The following COL22A1 variants were observed in gnomAD, a reference collection of about 807,000 sequenced individuals.
COL22A1 encodes collagen type XXII alpha 1 chain.
A neutral mutation model predicts 248.9 loss-of-function variants in COL22A1; 221 were observed. The observed-to-expected ratio is 0.89, with a 90% CI of 0.80 to 0.99. COL22A1 has a LOEUF of 0.99. COL22A1 is among the 50% of genes least tolerant of loss of function. COL22A1 has a pLI of 0.00. For synonymous variants in COL22A1, 891 were observed against 793.4 expected, an observed-to-expected ratio of 1.12 and a Z score of -2.07; for missense variants, 2,240 against 2,179.0, an observed-to-expected ratio of 1.03 and a Z score of -0.56.
At chr8:138,618,083 T>C (rs557613990) in intron 53 of COL22A1, among the ~76,000 whole-genome samples, 1 of 152,174 alleles carries the variant, frequency 6.6e-6, no homozygotes, top group Admixed American at 6.5e-5. Context: ...AGAGAGTGCC[T>C]GTCAGGCACT....
intron 39 of COL22A1, 33 bp from the exon 40 acceptor site, chr8:138,679,709 C>A (rs748048977): frequency 1.9e-6 from 3 of 1,597,804 alleles, no homozygotes; most frequent in East Asian, 2.2e-5. Flanking sequence ...CATTTCTTCA[C>A]CAAACAAATG....
At chr8:138,664,232 CACACACACACACACACACACACACAG>C (rs1824290155) in intron 41 of COL22A1, among the ~76,000 whole-genome samples, 1 of 150,138 alleles carries the variant, frequency 6.7e-6, no homozygotes, top group African/African-American at 2.5e-5. Context: ...CACACACACA[CACACACACACACACACACACACACAG>C]ATACAGACAC....
intron 3 of COL22A1, among the ~76,000 whole-genome samples, chr8:138,854,156 C>T (rs750143214): frequency 1.3e-5 from 2 of 152,126 alleles, no homozygotes; most frequent in African/African-American, 2.4e-5. Flanking sequence ...AATATGCCAT[C>T]GTGACTGTGG....
intron 2 of COL22A1, among the ~76,000 whole-genome samples, chr8:138,880,047 G>A (rs1824073635): frequency 2.0e-5 from 3 of 152,046 alleles, no homozygotes; most frequent in South Asian, 4.1e-4. Context: ...CAAACTTAGT[G>A]ATTTATCCCA....
chr8:138,772,030 A>C (rs1834409312), intron 16 of COL22A1, among the ~76,000 whole-genome samples: 2 of 152,210 alleles, frequency 1.3e-5, no homozygotes, highest in South Asian at 4.1e-4. Context: ...GAGGTGGTCC[A>C]GGCAGCTTCC....
chr8:138,908,834 C>T (rs1052793968), intron 1 of COL22A1, among the ~76,000 whole-genome samples: 2 of 152,122 alleles, frequency 1.3e-5, no homozygotes. Flanking sequence ...TAAGATCAGA[C>T]AGATGGCAGT....
intron 45 of COL22A1, among the ~76,000 whole-genome samples, chr8:138,653,335 T>G (rs536352507): frequency 1.3e-5 from 2 of 152,286 alleles, no homozygotes; most frequent in South Asian, 4.1e-4. Context: ...CTTCATCAGA[T>G]AGCTGTCAGG....
intron 62 of COL22A1, among the ~76,000 whole-genome samples, chr8:138,596,592 T>A (rs1366290010): frequency 6.6e-6 from 1 of 152,244 alleles, no homozygotes; most frequent in East Asian, 1.9e-4. Context: ...CTAAACAAAA[T>A]TCTTTACAGA....
intron 27 of COL22A1, among the ~76,000 whole-genome samples, chr8:138,718,341 A>C (rs962687290): frequency 2.0e-5 from 3 of 152,218 alleles, no homozygotes; most frequent in African/African-American, 7.2e-5. Context: ...ATCTGCTAGA[A>C]TAGTAGCACA....
At chr8:138,657,168 G>A (rs900002742) in intron 44 of COL22A1, among the ~76,000 whole-genome samples, 2 of 152,132 alleles carry the variant, frequency 1.3e-5, no homozygotes, top group South Asian at 2.1e-4. Flanking sequence ...GCACTGCAGT[G>A]AAAGCTCACT....
At chr8:138,875,505 G>T (rs1331110614) in intron 3 of COL22A1, among the ~76,000 whole-genome samples, 1 of 152,190 alleles carries the variant, frequency 6.6e-6, no homozygotes, top group East Asian at 1.9e-4. Context: ...TGCATCAAGG[G>T]GTTCTGGATT....
chr8:138,875,878 ATGCTCTAG>A (rs529696342), intron 3 of COL22A1, among the ~76,000 whole-genome samples: 1 of 152,314 alleles, frequency 6.6e-6, no homozygotes, highest in African/African-American at 2.4e-5. Flanking sequence ...AATGCCTTGC[ATGCTCTAG>A]GGTAGATTAC....
In COL22A1 at chr8:138,693,684, C is replaced by G. The variant is rs868088892; in HGVS notation, c.2716G>C (p.Glu906Gln). Reference sequence around the variant, plus strand: ...GCTCCAGGAGCCCCATGTGCACCTTCCTGTCCCTTGGCACCCTGCACAGGA... The same window carrying G: ...GCTCCAGGAGCCCCATGTGCACCTTGCTGTCCCTTGGCACCCTGCACAGGA... ...PTGPPGAKGQ[E>Q]GAHGAPGAAG... Residue 906 changes from glutamate (E) to glutamine (Q), a missense_variant, in exon 35 of 65, where the codon GAA becomes CAA. Physicochemically the swap from Glu to Gln is conservative, Grantham distance 29. Coordinates refer to ENST00000303045, the MANE Select transcript of COL22A1 (RefSeq NM_152888.3). 1 of 1,580,594 alleles carries G rather than the reference C, an allele frequency of 6.3e-7. No individual in the cohort carries two copies. The highest frequency in any genetic ancestry group is 1.2e-5 in the South Asian group (1 of 86,162).
chr8:138,851,178 C>T (rs1234194267), intron 3 of COL22A1, among the ~76,000 whole-genome samples: 1 of 152,134 alleles, frequency 6.6e-6, no homozygotes, highest in East Asian at 1.9e-4. Context: ...TGGACAGATG[C>T]TGGATAAGCT....
chr8:138,839,123 C>T (rs147243426), intron 4 of COL22A1, among the ~76,000 whole-genome samples: 32 of 152,272 alleles, frequency 2.1e-4, no homozygotes, highest in African/African-American at 7.5e-4. Flanking sequence ...CCTTAAAATG[C>T]CTGCTGCTTT....
At chr8:138,698,533 G>T (rs1324589163) in intron 32 of COL22A1, among the ~76,000 whole-genome samples, 1 of 152,224 alleles carries the variant, frequency 6.6e-6, no homozygotes, top group Non-Finnish European at 1.5e-5. Context: ...TGGGAGAGCA[G>T]GTGAGAAGAC....
rs752374920 is a variant in COL22A1 at position 138,598,930 on chromosome 8, C to T, written c.4186-32G>A. 5.0e-6 allele frequency: 8 copies of T among 1,610,504 alleles called. No individual in the cohort carries two copies. In the Admixed American group the frequency reaches 6.7e-5, roughly 13 times the overall value. ...AGGAAATAAGCATGTCAGCATGTGT[C>T]TCAGGGCTGGAAGCTGTACCCCATG... On this transcript the variant is annotated intron_variant, in intron 60 of 64. Transcript: ENST00000303045.
At chr8:138,826,420 G>T (rs917947998) in intron 6 of COL22A1, among the ~76,000 whole-genome samples, 8 of 152,300 alleles carry the variant, frequency 5.3e-5, no homozygotes, top group Middle Eastern at 3.4e-3. Flanking sequence ...CAGGAACTCA[G>T]TCTTCTTTAC....
chr8:138,836,252 CAG>C lies in COL22A1; in HGVS notation c.734-3104_734-3103del, dbSNP rs1305889064. Among the ~76,000 whole-genome samples, 3 of 151,538 alleles carry C rather than the reference CAG, an allele frequency of 2.0e-5. 1 individual carries two copies. ...CACCACAGCACTCCAGCCTGGGCGA[CAG>C]AGAGAGACTCTGTTGCAAAGAAAAA... is the stretch of plus-strand genomic sequence containing the variant. On this transcript the variant is annotated intron_variant, in intron 4 of 64. Transcript: ENST00000303045.
Sources: gnomAD v4.1 joint callset for allele counts (sites outside exome capture counted in the v4.1 genomes callset) on GRCh38, gnomAD v4.1.1 for gene constraint, MANE v1.5 for transcripts, NCBI Gene and HGNC (gene_info 2026-07-23, HGNC 2026-07-21) for gene names.